The following CDK5RAP2 variants were observed in gnomAD, a reference collection of about 807,000 sequenced individuals.
CDK5RAP2 encodes the protein CDK5 regulatory subunit-associated protein 2.
Under a neutral mutation model 232.9 loss-of-function variants are expected in CDK5RAP2, and 147 were observed. That is an observed-to-expected ratio of 0.63 (90% CI 0.55 to 0.72). The LOEUF (loss-of-function observed/expected upper bound fraction) is 0.72. Ranked by LOEUF, CDK5RAP2 falls within the 30% of genes least tolerant of loss-of-function variation. The probability of loss-of-function intolerance (pLI) is 0.00; values close to 1 mark genes in which losing one functional copy is unlikely to be tolerated. For synonymous variants in CDK5RAP2, 833 were observed against 833.7 expected (o/e 1.00, Z 0.01); for missense variants, 2,195 against 2,231.5 (o/e 0.98, Z 0.33).
At chr9:120,526,349 A>T (rs944794909) in intron 10 of CDK5RAP2, among the ~76,000 whole-genome samples, 45 of 152,064 alleles carry the variant, frequency 3.0e-4, no homozygotes, top group Non-Finnish European at 1.3e-4. Flanking sequence ...AACCTCCACT[A>T]TCCACGCTTT....
intron 15 of CDK5RAP2, among the ~76,000 whole-genome samples, chr9:120,472,440 G>A (rs970225376): frequency 2.0e-5 from 3 of 152,158 alleles, no homozygotes; most frequent in African/African-American, 7.2e-5. Flanking sequence ...TGTCACTTGG[G>A]CACCCGGGCT....
intron 23 of CDK5RAP2, 152 bp from the exon 24 acceptor site, chr9:120,440,124 A>G (rs2035814369): frequency 4.4e-6 from 3 of 689,426 alleles, no homozygotes; most frequent in Non-Finnish European, 7.6e-6. Flanking sequence ...ACTTCCCTCA[A>G]AAAGCCTCCA....
At chr9:120,523,705 T>TG (rs752693209) in intron 11 of CDK5RAP2, among the ~76,000 whole-genome samples, 1 of 152,050 alleles carries the variant, frequency 6.6e-6, no homozygotes, top group Non-Finnish European at 1.5e-5. Context: ...GTGCAAGAGG[T>TG]GGGAGGAGGA....
At chr9:120,425,260 TA>T (rs2034822209) in intron 25 of CDK5RAP2, among the ~76,000 whole-genome samples, 1 of 152,114 alleles carries the variant, frequency 6.6e-6, no homozygotes, top group Non-Finnish European at 1.5e-5. Flanking sequence ...CCCCTATTAT[TA>T]TAACAGAATT....
chr9:120,512,419 T>G (rs1275732682), intron 12 of CDK5RAP2, among the ~76,000 whole-genome samples: 1 of 152,208 alleles, frequency 6.6e-6, no homozygotes, highest in Admixed American at 6.5e-5. Context: ...TCCTGAACCC[T>G]AAAGCCTTTA....
chr9:120,496,673 T>C (rs1588486700), intron 12 of CDK5RAP2, among the ~76,000 whole-genome samples: 1 of 114,530 alleles, frequency 8.7e-6, no homozygotes, highest in African/African-American at 3.7e-5. Context: ...AGCCGCCCCG[T>C]CCGGGAGGGA....
chr9:120,389,905 C>T (rs1047659273), intron 36 of CDK5RAP2, 118 bp from the exon 37 acceptor site: 21 of 895,126 alleles, frequency 2.3e-5, no homozygotes, highest in South Asian at 1.7e-4. Context: ...GTAGACAACA[C>T]GAGGTCTGAA....
At chr9:120,409,746 C>A (rs531689522) in intron 29 of CDK5RAP2, among the ~76,000 whole-genome samples, 1 of 152,324 alleles carries the variant, frequency 6.6e-6, no homozygotes, top group South Asian at 2.1e-4. Flanking sequence ...GAGGACAGCA[C>A]CTCTCCTGAG....
In CDK5RAP2 at chr9:120,404,098, G is replaced by T. The variant is rs1001716498; in HGVS notation, c.4979C>A (p.Pro1660His). 2 of 1,612,180 alleles carry T rather than the reference G, an allele frequency of 1.2e-6. No individual in the cohort carries two copies. The change falls in exon 33 of 38, where the codon CCC (proline) becomes CAC (histidine). Residue 1660 changes from proline to histidine, a missense_variant. Transcript: ENST00000349780. Reference protein sequence around the residue: ...QPDKHDGDKYPMESDNSFDLF... With the variant: ...QPDKHDGDKYHMESDNSFDLF... ...ATCAAATGAATTATCACTTTCCATGGGATATTTGTCACCATCTACAAAATG... is the reference window on the plus strand; with the variant it reads ...ATCAAATGAATTATCACTTTCCATGTGATATTTGTCACCATCTACAAAATG...
At chr9:120,579,066 G>A (rs761174648) in intron 1 of CDK5RAP2, among the ~76,000 whole-genome samples, 19 of 152,226 alleles carry the variant, frequency 1.2e-4, no homozygotes, top group Non-Finnish European at 2.4e-4. Flanking sequence ...CAGCCGTGGA[G>A]CAGAGTTGCG....
intron 22 of CDK5RAP2, among the ~76,000 whole-genome samples, chr9:120,444,289 G>C (rs1235228542): frequency 6.6e-6 from 1 of 152,278 alleles, no homozygotes; most frequent in East Asian, 1.9e-4. Flanking sequence ...TTAAAAAATG[G>C]CAAGCTATGG....
intron 1 of CDK5RAP2, among the ~76,000 whole-genome samples, chr9:120,577,556 A>C (rs998053835): frequency 2.6e-5 from 4 of 152,180 alleles, no homozygotes; most frequent in African/African-American, 9.7e-5. Context: ...ACCATGCTTT[A>C]AAATGGTTAA....
chr9:120,422,768 G>A, intron 25 of CDK5RAP2, 27 bp from the exon 26 acceptor site: 1 of 1,595,156 alleles, frequency 6.3e-7, no homozygotes, highest in Non-Finnish European at 8.6e-7. Context: ...CATCAAGAAA[G>A]GAGGAGAAAA....
chr9:120,527,953 A>G (rs1353805123), intron 9 of CDK5RAP2, 28 bp from the exon 10 acceptor site: 2 of 1,612,932 alleles, frequency 1.2e-6, no homozygotes, highest in East Asian at 2.2e-5. Context: ...AAGATTCACT[A>G]AGTTGATGCG....
In CDK5RAP2 at chr9:120,539,180, CA is replaced by C. The variant is rs1293942338; in HGVS notation, c.384-17del. 6.8e-6 allele frequency: 11 copies of C among 1,613,612 alleles called. No individual in the cohort carries two copies. In the African/African-American group the frequency reaches 1.2e-4, roughly 18 times the overall value. On this transcript the variant is annotated splice_polypyrimidine_tract_variant and intron_variant, in intron 5 of 37. Coordinates refer to ENST00000349780, the MANE Select transcript of CDK5RAP2 (RefSeq NM_018249.6). ...AACTGCTTTGCTGCAAAAAGAGGCA[CA>C]GGGGTAAAACATGCAAGGGTGATGG...
intron 20 of CDK5RAP2, among the ~76,000 whole-genome samples, chr9:120,456,339 C>T (rs1322766852): frequency 6.6e-6 from 1 of 152,208 alleles, no homozygotes; most frequent in Non-Finnish European, 1.5e-5. Flanking sequence ...AACAGTCAGG[C>T]TGTACTCTAC....
At chr9:120,547,819 A>G (rs909863866) in intron 4 of CDK5RAP2, among the ~76,000 whole-genome samples, 1 of 152,010 alleles carries the variant, frequency 6.6e-6, no homozygotes, top group African/African-American at 2.4e-5. Flanking sequence ...TCACTTACTC[A>G]CTCCTTCACG....
At chr9:120,454,713 G>A (rs923286683) in intron 20 of CDK5RAP2, among the ~76,000 whole-genome samples, 2 of 152,214 alleles carry the variant, frequency 1.3e-5, no homozygotes, top group Non-Finnish European at 2.9e-5. Context: ...GTGTGAAACA[G>A]TTTCCATTTC....
At chr9:120,431,593 GCTGGCAAAGGCCC>G (rs983923734) in intron 25 of CDK5RAP2, among the ~76,000 whole-genome samples, 32 of 152,300 alleles carry the variant, frequency 2.1e-4, no homozygotes, top group East Asian at 1.9e-3. Flanking sequence ...AGGGTGGTGG[GCTGGCAAAGGCCC>G]CTGGCAAAGG....
Sources: gnomAD v4.1 joint callset for allele counts (sites outside exome capture counted in the v4.1 genomes callset) on GRCh38, gnomAD v4.1.1 for gene constraint, MANE v1.5 for transcripts, NCBI Gene and HGNC (gene_info 2026-07-23, HGNC 2026-07-21) for gene names.